The following DHRS9 variants were observed in gnomAD, a reference collection of about 807,000 sequenced individuals.
DHRS9 encodes the protein dehydrogenase/reductase 9, also known as dehydrogenase/reductase SDR family member 9.
Under a neutral mutation model 26.6 loss-of-function variants are expected in DHRS9, and 18 were observed. That is an observed-to-expected ratio of 0.68 (90% CI 0.47 to 1.00). The LOEUF is 1.00. Among genes scored for constraint, DHRS9 ranks in the 50% least tolerant of loss-of-function variants. DHRS9 has a pLI of 0.00. For synonymous variants in DHRS9, 134 were observed against 141.1 expected (o/e 0.95, Z 0.36); for missense variants, 425 against 378.7 (o/e 1.12, Z -1.01).
chr2:169,082,993 C>T (rs1684238660), intron 2 of DHRS9, among the ~76,000 whole-genome samples: 1 of 152,064 alleles, frequency 6.6e-6, no homozygotes, highest in Admixed American at 6.6e-5. Flanking sequence ...TAACAAACTG[C>T]ATGTTGTGCA....
At chr2:169,074,238 G>T in intron 1 of DHRS9, 1 of 979,584 alleles carries the variant, frequency 1.0e-6, no homozygotes, top group Non-Finnish European at 1.2e-6. Context: ...GGTAGATGTT[G>T]TATTTCTACT....
In DHRS9 at chr2:169,095,752, T is replaced by A; in HGVS notation, c.945T>A (p.Asn315Lys). 2 of 1,613,656 alleles carry A rather than the reference T, an allele frequency of 1.2e-6. No individual in the cohort carries two copies. Among genetic ancestry groups the A allele is most frequent in the Admixed American group, 1.7e-5 (1 of 59,942 alleles). The change falls in exon 5 of 5, where the codon AAT becomes AAA. Residue 315 changes from asparagine (N) to lysine (K), a missense_variant. By Grantham distance (94) the Asn-to-Lys change is moderately conservative. Transcript: ENST00000674881. Reference sequence around the variant, plus strand: ...TGAAACAGAAAGCAGAGCTGGCTAATCCCAAGGCAGTGTGACTCAGCTAAC... The same window carrying A: ...TGAAACAGAAAGCAGAGCTGGCTAAACCCAAGGCAGTGTGACTCAGCTAAC... ...LLLKQKAELANPKAV is the reference protein window; with the variant it reads ...LLLKQKAELAKPKAV
intron 3 of DHRS9, among the ~76,000 whole-genome samples, chr2:169,089,111 G>A (rs750129501): frequency 6.6e-5 from 10 of 152,190 alleles, no homozygotes; most frequent in Non-Finnish European, 1.3e-4. Context: ...AAAAGGCAGA[G>A]AGTATGCTTA....
upstream of DHRS9, chr2:169,067,088 T>C (rs959367219): frequency 2.6e-6 from 4 of 1,530,824 alleles, no homozygotes; most frequent in South Asian, 1.2e-5. Flanking sequence ...TAGCAGCTTA[T>C]AGTCGTTCAG....
intron 1 of DHRS9, chr2:169,070,254 C>G: frequency 1.0e-6 from 1 of 985,342 alleles, no homozygotes; most frequent in Non-Finnish European, 1.2e-6. Context: ...CAGGGAAATT[C>G]CCAACAATTC....
chr2:169,095,644 T>A lies in DHRS9; in HGVS notation c.837T>A (p.Thr279=). 6.2e-7 allele frequency: 1 copy of A among 1,614,014 alleles called. No individual in the cohort carries two copies. The highest frequency in any genetic ancestry group is 1.1e-5 in the South Asian group (1 of 91,090). The stretch of plus-strand genomic sequence containing the variant: ...CTCTAACAAGTCTCTTCCCTAAGAC[T>A]CATTATGCCGCTGGAAAAGATGCCA... ...DHALTSLFPK[T]HYAAGKDAKI... The change falls in exon 5 of 5, where the codon ACT becomes ACA. Residue 279 remains threonine, a synonymous_variant. Coordinates refer to ENST00000674881, the MANE Select transcript of DHRS9 (RefSeq NM_001376924.1).
At chr2:169,080,322 C>T (rs1301052622) in intron 1 of DHRS9, among the ~76,000 whole-genome samples, 1 of 152,220 alleles carries the variant, frequency 6.6e-6, no homozygotes, top group African/African-American at 2.4e-5. Flanking sequence ...CTCTCTTTAG[C>T]CCCTCTCCCT....
intron 1 of DHRS9, chr2:169,074,267 A>C: frequency 2.0e-6 from 2 of 985,320 alleles, no homozygotes; most frequent in Non-Finnish European, 2.4e-6. Flanking sequence ...AGGAAAATGG[A>C]GGCTAAGAAA....
chr2:169,082,768 A>G (rs1684229425), intron 2 of DHRS9, among the ~76,000 whole-genome samples: 1 of 151,928 alleles, frequency 6.6e-6, no homozygotes, highest in Admixed American at 6.6e-5. Context: ...CTCTGGCCTT[A>G]CTATCTAGCA....
At chr2:169,067,335 T>C (rs1574014343), upstream of DHRS9, 1 of 1,516,782 alleles carries the variant, frequency 6.6e-7, no homozygotes, top group East Asian at 2.5e-5. Flanking sequence ...CCCAGAATGG[T>C]GTAGTTGCAG....
At chr2:169,077,185 A>T (rs974887553) in intron 1 of DHRS9, among the ~76,000 whole-genome samples, 1 of 152,134 alleles carries the variant, frequency 6.6e-6, no homozygotes, top group African/African-American at 2.4e-5. Flanking sequence ...GCTCTGGTGG[A>T]GGCTTGGATT....
intron 3 of DHRS9, among the ~76,000 whole-genome samples, chr2:169,086,373 T>A (rs1684350617): frequency 6.6e-6 from 1 of 152,218 alleles, no homozygotes; most frequent in Admixed American, 6.5e-5. Flanking sequence ...CTGATAGGAT[T>A]CTGAATTCCT....
chr2:169,095,904 TC>T lies in DHRS9; in HGVS notation c.*140del. The T allele has an allele frequency of 1.3e-6, 1 of 785,700 alleles. No individual in the cohort carries two copies. Among genetic ancestry groups the T allele is most frequent in the Non-Finnish European group, 2.1e-6 (1 of 487,466 alleles). 48.7% of individuals were successfully genotyped at this position (785,700 alleles called of 1,614,324 possible). A position where few individuals can be genotyped will look rare whatever the true frequency, so the allele number is the denominator to read the frequency against. ...TGCTTATTTGGATTGCAAAAGGGAG[TC>T]CCACCATCGCTGGTGGTATCCCAGG... On this transcript the variant is annotated 3_prime_UTR_variant, in exon 5 of 5. Coordinates refer to ENST00000674881, the MANE Select transcript of DHRS9 (RefSeq NM_001376924.1).
At position 169,081,553 on chromosome 2, in the gene DHRS9, G is replaced by A; in HGVS notation, c.-29G>A. On this transcript the variant is annotated 5_prime_UTR_variant, in exon 2 of 5. Transcript: ENST00000674881. ...CATCTTCTTGTATTATACAAGAAAG[G>A]AGTGTACCTATCACACACAGGGGGA... 4 of 1,604,926 alleles carry A rather than the reference G, an allele frequency of 2.5e-6. No individual in the cohort carries two copies. Among genetic ancestry groups the A allele is most frequent in the Non-Finnish European group, 3.4e-6 (4 of 1,176,392 alleles).
chr2:169,082,947 G>C (rs1489835043), intron 2 of DHRS9, among the ~76,000 whole-genome samples: 1 of 151,940 alleles, frequency 6.6e-6, no homozygotes, highest in African/African-American at 2.4e-5. Flanking sequence ...CGTGTTAATG[G>C]GAGCAGCACA....
At chr2:169,088,215 C>T (rs1172433985) in intron 3 of DHRS9, among the ~76,000 whole-genome samples, 1 of 152,180 alleles carries the variant, frequency 6.6e-6, no homozygotes, top group Non-Finnish European at 1.5e-5. Flanking sequence ...TGAATGCTCC[C>T]TCTATGGGTG....
chr2:169,085,604 T>G (rs541340792), intron 3 of DHRS9, among the ~76,000 whole-genome samples: 1 of 152,304 alleles, frequency 6.6e-6, no homozygotes, highest in East Asian at 1.9e-4. Flanking sequence ...TGGAATTAAT[T>G]CCTTGATTTC....
intron 2 of DHRS9, among the ~76,000 whole-genome samples, chr2:169,082,999 G>A (rs1040916174): frequency 1.3e-5 from 2 of 152,132 alleles, no homozygotes; most frequent in Non-Finnish European, 2.9e-5. Context: ...ACTGCATGTT[G>A]TGCACATGTA....
intron 1 of DHRS9, among the ~76,000 whole-genome samples, chr2:169,079,965 G>A (rs779186557): frequency 1.9e-5 from 2 of 105,906 alleles, no homozygotes; most frequent in African/African-American, 3.8e-5. Context: ...GAGAGAGAGA[G>A]AGAGAGAGAG....
Sources: allele counts gnomAD v4.1 joint callset (sites outside exome capture counted in the v4.1 genomes callset), GRCh38; gene constraint gnomAD v4.1.1; transcripts MANE v1.5; gene names NCBI Gene and HGNC (gene_info 2026-07-23, HGNC 2026-07-21).